The following NTN1 variants were observed in gnomAD, a reference collection of about 807,000 sequenced individuals.
The protein encoded by NTN1 is netrin 1, also known as netrin-1.
In NTN1, 11 loss-of-function variants were observed where a neutral mutation model predicts 54.2. That is an observed-to-expected ratio of 0.20 (90% confidence interval 0.13 to 0.34). NTN1 has a LOEUF of 0.34. Ranked by LOEUF, NTN1 falls within the 10% of genes least tolerant of loss-of-function variation. NTN1 has a pLI of 1.00. For missense variants in NTN1, 740 were observed against 893.1 expected, an observed-to-expected ratio of 0.83 and a Z score of 2.18; for synonymous variants, 371 against 382.0, an observed-to-expected ratio of 0.97 and a Z score of 0.33.
chr17:9,042,516 C>T (rs1174176979), intron 2 of NTN1, among the ~76,000 whole-genome samples: 1 of 147,830 alleles, frequency 6.8e-6, no homozygotes, highest in South Asian at 2.1e-4. Context: ...GAGGCTGGCG[C>T]GGTGGCTCAC....
chr17:9,050,685 A>AAAC (rs2091957729), intron 2 of NTN1, among the ~76,000 whole-genome samples: 1 of 151,582 alleles, frequency 6.6e-6, no homozygotes, highest in African/African-American at 2.4e-5. Context: ...AAAAAAAAAA[A>AAAC]AAAAAAACCC....
chr17:9,227,069 G>C (rs374892940), intron 6 of NTN1, among the ~76,000 whole-genome samples: 1 of 151,754 alleles, frequency 6.6e-6, no homozygotes, highest in African/African-American at 2.4e-5. Context: ...TCCCGTCCCC[G>C]TGCTCCTGGG....
At chr17:9,199,041 CTCTT>C (rs1244438778) in intron 5 of NTN1, among the ~76,000 whole-genome samples, 1 of 152,234 alleles carries the variant, frequency 6.6e-6, no homozygotes, top group Admixed American at 6.5e-5. Flanking sequence ...CTAATTCAAA[CTCTT>C]TCTCTACTTC....
intron 2 of NTN1, among the ~76,000 whole-genome samples, chr17:9,026,113 A>G (rs2091869731): frequency 6.6e-6 from 1 of 152,182 alleles, no homozygotes; most frequent in Admixed American, 6.5e-5. Context: ...TTTATAATAA[A>G]TTGAAATGGT....
At position 9,085,268 on chromosome 17, in the gene NTN1, G is replaced by A. The variant is rs74859804; in HGVS notation, c.1018+61877G>A. ...CTGTCCAGCTGCTCTGCCACCCTCTGGGGGGCTATCCTCAGCTTCCCGATG... is the reference window on the plus strand; with the variant it reads ...CTGTCCAGCTGCTCTGCCACCCTCTAGGGGGCTATCCTCAGCTTCCCGATG... On this transcript the variant is annotated intron_variant, in intron 2 of 6. Coordinates refer to ENST00000173229, the MANE Select transcript of NTN1 (RefSeq NM_004822.3). Among the ~76,000 whole-genome samples, 556 of 152,310 alleles carry A rather than the reference G, an allele frequency of 3.7e-3. 1 individual carries two copies. Among genetic ancestry groups the A allele is most frequent in the African/African-American group, 0.012 (497 of 41,572 alleles).
At chr17:9,006,232 G>T in the NTN1 span, among the ~76,000 whole-genome samples, 1,479 of 152,284 alleles carry the variant, frequency 9.7e-3, 22 homozygotes, top group African/African-American at 0.033. Flanking sequence ...TTGTAGCTGC[G>T]AATTGTAAAA....
At chr17:9,105,499 C>T (rs2092162811) in intron 2 of NTN1, among the ~76,000 whole-genome samples, 1 of 152,138 alleles carries the variant, frequency 6.6e-6, no homozygotes, top group Non-Finnish European at 1.5e-5. Context: ...GTGGAGACGG[C>T]TTTGTTATAA....
At chr17:9,100,255 T>C (rs2092145651) in intron 2 of NTN1, among the ~76,000 whole-genome samples, 2 of 152,188 alleles carry the variant, frequency 1.3e-5, no homozygotes, top group South Asian at 4.1e-4. Flanking sequence ...CTGTGTTATT[T>C]GGTAACCTGC....
At chr17:9,170,567 TCC>T (rs2092384682) in intron 3 of NTN1, among the ~76,000 whole-genome samples, 1 of 152,276 alleles carries the variant, frequency 6.6e-6, no homozygotes, top group East Asian at 1.9e-4. Flanking sequence ...ATAAAGGATT[TCC>T]ATGCTTTGGG....
intron 5 of NTN1, among the ~76,000 whole-genome samples, chr17:9,200,081 C>T (rs1043565270): frequency 8.5e-5 from 13 of 152,258 alleles, no homozygotes; most frequent in African/African-American, 2.4e-4. Flanking sequence ...GCCAACCAGC[C>T]GGGTGGACGT....
chr17:9,194,844 C>T (rs17742395), intron 5 of NTN1, among the ~76,000 whole-genome samples: 41,658 of 152,032 alleles, frequency 0.27, 6,136 homozygotes, highest in Middle Eastern at 0.43. Flanking sequence ...TCAGACATCC[C>T]GTGTGTATTA....
chr17:9,104,382 C>A (rs997126995), intron 2 of NTN1, among the ~76,000 whole-genome samples: 3 of 152,144 alleles, frequency 2.0e-5, no homozygotes, highest in Non-Finnish European at 2.9e-5. Flanking sequence ...TACCATAGTA[C>A]AAAGATAGGT....
At chr17:9,056,504 G>A (rs1169554864) in intron 2 of NTN1, among the ~76,000 whole-genome samples, 1 of 152,152 alleles carries the variant, frequency 6.6e-6, no homozygotes, top group Non-Finnish European at 1.5e-5. Context: ...GTGGCTAATG[G>A]GTACAAAGCA....
intron 2 of NTN1, among the ~76,000 whole-genome samples, chr17:9,118,184 A>G (rs1405263516): frequency 6.6e-6 from 1 of 152,190 alleles, no homozygotes; most frequent in African/African-American, 2.4e-5. Context: ...TAACAGCTTT[A>G]TTGAGATATA....
intron 2 of NTN1, among the ~76,000 whole-genome samples, chr17:9,095,458 C>G (rs187288966): frequency 7.9e-5 from 12 of 152,296 alleles, no homozygotes; most frequent in Non-Finnish European, 8.8e-5. Context: ...GGTAAAGAAT[C>G]CAGCCTTTCA....
chr17:9,039,564 A>G (rs2091914855), intron 2 of NTN1, among the ~76,000 whole-genome samples: 2 of 152,282 alleles, frequency 1.3e-5, no homozygotes, highest in East Asian at 1.9e-4. Flanking sequence ...TAACTTGGTA[A>G]GTTTGACTTA....
chr17:9,186,097 T>C (rs1452767816), intron 5 of NTN1, among the ~76,000 whole-genome samples: 1 of 152,126 alleles, frequency 6.6e-6, no homozygotes, highest in Non-Finnish European at 1.5e-5. Flanking sequence ...GGCAGAGGCC[T>C]GTGGGCGGAG....
At chr17:9,092,297 A>C (rs575427240) in intron 2 of NTN1, among the ~76,000 whole-genome samples, 1 of 144,224 alleles carries the variant, frequency 6.9e-6, no homozygotes, top group African/African-American at 2.6e-5. Context: ...TTGTATGGAG[A>C]GGCCACATTT....
chr17:9,110,200 G>A (rs984916266), intron 2 of NTN1, among the ~76,000 whole-genome samples: 3 of 151,924 alleles, frequency 2.0e-5, no homozygotes, highest in Admixed American at 1.3e-4. Flanking sequence ...AAAACTTGAC[G>A]ACATCCCTTG....
Sources: gnomAD v4.1 joint callset for allele counts (sites outside exome capture counted in the v4.1 genomes callset) on GRCh38, gnomAD v4.1.1 for gene constraint, MANE v1.5 for transcripts, NCBI Gene and HGNC (gene_info 2026-07-23, HGNC 2026-07-21) for gene names.